TAF2: variants seen among roughly 807,000 people sequenced by gnomAD.
TAF2 encodes TATA-box binding protein associated factor 2, also known as transcription initiation factor TFIID subunit 2.
A neutral mutation model predicts 138.5 loss-of-function variants in TAF2; 61 were observed. That is an observed-to-expected ratio of 0.44 (90% CI 0.36 to 0.54). The LOEUF is 0.54. TAF2 is among the 20% of genes least tolerant of loss of function. The pLI, the probability that TAF2 is intolerant of heterozygous loss-of-function variation, is 0.00. For missense variants in TAF2, 1,090 were observed against 1,427.9 expected (o/e 0.76, Z 3.81); for synonymous variants, 475 against 469.9 (o/e 1.01, Z -0.14).
At chr8:119,811,426 G>A (rs1289559482) in intron 3 of TAF2, among the ~76,000 whole-genome samples, 6 of 151,180 alleles carry the variant, frequency 4.0e-5, no homozygotes, top group Non-Finnish European at 5.9e-5. Context: ...AGCTACACAC[G>A]CCCTAGTAAA....
In TAF2 at chr8:119,789,734, G is replaced by C; in HGVS notation, c.1426C>G (p.Leu476Val). 6.2e-7 allele frequency: 1 copy of C among 1,613,614 alleles called. No individual in the cohort carries two copies. The highest frequency in any genetic ancestry group is 8.5e-7 in the Non-Finnish European group (1 of 1,179,842). Residue 476 changes from leucine to valine, a missense_variant, in exon 12 of 26, where the codon CTG becomes GTG. Leu to Val is a conservative substitution (Grantham distance 32, BLOSUM62 1). Transcript: ENST00000378164. ...GAAGCAGTACTAGCCAGACTTAGCA[G>C]TTTATTGAAAACCTGTAAGGATAAA... ...MEFMLQVFNK[L>V]LSLASTASSQ...
At chr8:119,807,862 C>T (rs956723362) in intron 3 of TAF2, among the ~76,000 whole-genome samples, 3 of 152,122 alleles carry the variant, frequency 2.0e-5, no homozygotes, top group African/African-American at 7.2e-5. Context: ...GCGGAAGTTG[C>T]AGTGAGCTGA....
intron 18 of TAF2, 108 bp downstream of exon 18, chr8:119,777,911 C>T: frequency 1.6e-6 from 1 of 644,396 alleles, no homozygotes; most frequent in Non-Finnish European, 2.7e-6. Flanking sequence ...TTTTTATAGA[C>T]TAAATATTTA....
intron 19 of TAF2, among the ~76,000 whole-genome samples, chr8:119,761,395 T>C (rs1370710493): frequency 6.6e-6 from 1 of 152,158 alleles, no homozygotes; most frequent in Non-Finnish European, 1.5e-5. Context: ...AACAACAAAA[T>C]TGCCTAAAGA....
At chr8:119,755,578 G>GA (rs1820648163) in intron 22 of TAF2, among the ~76,000 whole-genome samples, 1 of 152,014 alleles carries the variant, frequency 6.6e-6, no homozygotes, top group South Asian at 2.1e-4. Flanking sequence ...TAAGTATTTT[G>GA]AAAAAATACA....
At chr8:119,828,316 C>T (rs1240338173) in intron 2 of TAF2, among the ~76,000 whole-genome samples, 1 of 152,176 alleles carries the variant, frequency 6.6e-6, no homozygotes, top group Non-Finnish European at 1.5e-5. Flanking sequence ...TGCCCCTTGA[C>T]CACCTTGAGC....
intron 14 of TAF2, 86 bp downstream of exon 14, chr8:119,788,252 G>C (rs1040233439): frequency 1.7e-6 from 2 of 1,167,544 alleles, no homozygotes; most frequent in Non-Finnish European, 2.6e-6. Context: ...AAAAAATTAG[G>C]TATACAAGAG....
chr8:119,781,434 T>A (rs1051545584), intron 16 of TAF2, among the ~76,000 whole-genome samples: 1 of 152,116 alleles, frequency 6.6e-6, no homozygotes, highest in Non-Finnish European at 1.5e-5. Flanking sequence ...TCCCAGCACT[T>A]TGGGAAGCCG....
At chr8:119,804,240 G>A (rs1824462390) in intron 4 of TAF2, among the ~76,000 whole-genome samples, 1 of 152,010 alleles carries the variant, frequency 6.6e-6, no homozygotes, top group Admixed American at 6.6e-5. Flanking sequence ...TATAACTATT[G>A]CTTGTATTAT....
intron 14 of TAF2, among the ~76,000 whole-genome samples, chr8:119,787,017 C>T (rs1456700994): frequency 6.6e-6 from 1 of 152,094 alleles, no homozygotes; most frequent in African/African-American, 2.4e-5. Flanking sequence ...GGACTAAACA[C>T]CAAAAGCATT....
At chr8:119,746,661 CTA>C in intron 23 of TAF2, 42 bp downstream of exon 23, 1 of 1,580,030 alleles carries the variant, frequency 6.3e-7, no homozygotes, top group South Asian at 1.1e-5. Flanking sequence ...TCTAGATCCT[CTA>C]TATAATGAAA....
chr8:119,799,238 T>C (rs763398976), intron 6 of TAF2, among the ~76,000 whole-genome samples: 1 of 152,176 alleles, frequency 6.6e-6, no homozygotes, highest in Non-Finnish European at 1.5e-5. Context: ...ACATGTGCCA[T>C]GTTGGTGTGC....
intron 12 of TAF2, 140 bp downstream of exon 12, chr8:119,789,452 C>T: frequency 9.8e-7 from 1 of 1,022,596 alleles, no homozygotes; most frequent in Non-Finnish European, 1.5e-6. Flanking sequence ...CACAGTTCAT[C>T]ATTATTTCTA....
chr8:119,795,041 T>TAA lies in TAF2; in HGVS notation c.1191+489_1191+490dup, dbSNP rs575596447. 5.3e-4 allele frequency among the ~76,000 whole-genome samples: 75 copies of TAA among 141,730 alleles called. 1 individual carries two copies. Among genetic ancestry groups the TAA allele is most frequent in the Middle Eastern group, 3.6e-3 (1 of 280 alleles). 93.0% of individuals were successfully genotyped at this position (141,730 alleles called of 152,430 possible). ...CTTTTTGGCCAAATCTTTAAATCGTTAAAAAAAAAAAAAAGATGTGACAAT... is the reference window on the plus strand; with the variant it reads ...CTTTTTGGCCAAATCTTTAAATCGTTAAAAAAAAAAAAAAAAGATGTGACAAT... On this transcript the variant is annotated intron_variant, in intron 9 of 25. Coordinates refer to ENST00000378164, the MANE Select transcript of TAF2 (RefSeq NM_003184.4).
At chr8:119,801,326 C>T (rs1339285550) in intron 6 of TAF2, among the ~76,000 whole-genome samples, 1 of 151,714 alleles carries the variant, frequency 6.6e-6, no homozygotes, top group Non-Finnish European at 1.5e-5. Flanking sequence ...GAAATTCATT[C>T]AAGAATTCAC....
chr8:119,792,740 G>A (rs1049593574), intron 10 of TAF2, among the ~76,000 whole-genome samples: 2 of 152,070 alleles, frequency 1.3e-5, no homozygotes, highest in Admixed American at 6.6e-5. Context: ...TCATAGAAAG[G>A]CTCCAGGTTG....
intron 4 of TAF2, among the ~76,000 whole-genome samples, chr8:119,804,779 C>G (rs766020858): frequency 9.2e-5 from 14 of 152,014 alleles, no homozygotes; most frequent in Non-Finnish European, 1.8e-4. Flanking sequence ...TTATATTATC[C>G]CACAAACTTA....
rs183785321 is a variant in TAF2, at chr8:119,799,654, T to G, written c.793-1808A>C. Among the ~76,000 whole-genome samples the G allele has an allele frequency of 1.5e-3, 226 of 152,312 alleles. 1 individual carries two copies. Among genetic ancestry groups the G allele is most frequent in the African/African-American group, 5.1e-3 (212 of 41,542 alleles). Reference sequence around the variant, plus strand: ...TATAGCAGCATGATTTATAATCCTTTGGGTATATACCCAGTAATGGGATGG... The same window carrying G: ...TATAGCAGCATGATTTATAATCCTTGGGGTATATACCCAGTAATGGGATGG... On this transcript the variant is annotated intron_variant, in intron 6 of 25. Coordinates refer to ENST00000378164, the MANE Select transcript of TAF2 (RefSeq NM_003184.4).
chr8:119,819,869 G>C (rs2634), intron 2 of TAF2, among the ~76,000 whole-genome samples: 41,342 of 151,930 alleles, frequency 0.27, 6,883 homozygotes, highest in Admixed American at 0.46. Context: ...AATCAGAAGG[G>C]TGATGAGTGA....
Sources: gnomAD v4.1 joint callset for allele counts (sites outside exome capture counted in the v4.1 genomes callset) on GRCh38, gnomAD v4.1.1 for gene constraint, MANE v1.5 for transcripts, NCBI Gene and HGNC (gene_info 2026-07-23, HGNC 2026-07-21) for gene names.